The following PCNX1 variants were observed in gnomAD, a reference collection of about 807,000 sequenced individuals.
PCNX1 encodes the protein pecanex-like protein 1.
In PCNX1, 78 loss-of-function variants were observed where a neutral mutation model predicts 242.2. The observed-to-expected ratio is 0.32, with a 90% CI of 0.27 to 0.39. PCNX1 has a LOEUF of 0.39. Ranked by LOEUF, PCNX1 falls within the 10% of genes least tolerant of loss-of-function variation. The pLI, the probability that PCNX1 is intolerant of heterozygous loss-of-function variation, is 1.00. For synonymous variants in PCNX1, 1,024 were observed against 1,032.9 expected (o/e 0.99, Z 0.17); for missense variants, 2,581 against 2,856.5 (o/e 0.90, Z 2.20).
chr14:71,034,143 A>G (rs2060467108), intron 18 of PCNX1, 107 bp downstream of exon 18: 2 of 617,374 alleles, frequency 3.2e-6, no homozygotes, highest in Non-Finnish European at 5.8e-6. Flanking sequence ...AGAAAAATGT[A>G]TAATTATAAT....
chr14:71,011,344 A>G (rs1566696109), intron 9 of PCNX1, 148 bp from the exon 10 acceptor site: 9 of 642,298 alleles, frequency 1.4e-5, no homozygotes, highest in South Asian at 5.4e-5. Flanking sequence ...CCCAGAGTCT[A>G]TGTGCTTATC....
intron 26 of PCNX1, among the ~76,000 whole-genome samples, chr14:71,066,092 G>C (rs1287652497): frequency 3.9e-5 from 6 of 152,162 alleles, no homozygotes; most frequent in Admixed American, 3.9e-4. Flanking sequence ...TCTTGGCTAT[G>C]TGGGCTCTTT....
At chr14:71,012,837 AAGT>A in intron 10 of PCNX1, 145 bp from the exon 11 acceptor site, 1 of 605,526 alleles carries the variant, frequency 1.7e-6, no homozygotes, top group Non-Finnish European at 2.8e-6. Flanking sequence ...AAAAAAAAAA[AAGT>A]GTATGAGAGA....
chr14:70,993,698 C>T (rs895599656), intron 7 of PCNX1, among the ~76,000 whole-genome samples: 1 of 152,058 alleles, frequency 6.6e-6, no homozygotes, highest in Non-Finnish European at 1.5e-5. Flanking sequence ...GAAAAAAAAT[C>T]GATAGAAAAA....
intron 3 of PCNX1, chr14:70,965,519 T>C (rs2140506684): frequency 6.6e-6 from 1 of 152,088 alleles, no homozygotes; most frequent in South Asian, 2.1e-4. Context: ...AAAAATTAGC[T>C]GGGTGTGGTG....
intron 34 of PCNX1, among the ~76,000 whole-genome samples, 168 bp from the exon 35 acceptor site, chr14:71,109,284 C>A (rs553583578): frequency 2.0e-4 from 31 of 152,124 alleles, no homozygotes; most frequent in African/African-American, 6.3e-4. Flanking sequence ...GTGAGGTCTA[C>A]CAGAGGGCTG....
At chr14:71,009,054 T>A (rs1430618312) in intron 8 of PCNX1, among the ~76,000 whole-genome samples, 1 of 152,242 alleles carries the variant, frequency 6.6e-6, no homozygotes, top group East Asian at 1.9e-4. Context: ...AATTGCTGTT[T>A]CTAAATTTTT....
In PCNX1 at chr14:71,019,043, A is replaced by T; in HGVS notation, c.3031A>T (p.Ile1011Phe). ...REILENVLAV[I>F]LAILVAFLGS... ...GATCCTGGAAAATGTGTTAGCTGTC[A>T]TCCTGGCTATTCTCGTGGCCTTTTT... The change falls in exon 12 of 36, where the codon ATC becomes TTC. Residue 1011 changes from isoleucine (I) to phenylalanine (F), a missense_variant. Ile to Phe is a conservative substitution (Grantham distance 21). Coordinates refer to ENST00000304743, the MANE Select transcript of PCNX1 (RefSeq NM_014982.3). 1 of 1,613,092 alleles carries T rather than the reference A, an allele frequency of 6.2e-7. No homozygotes were observed. The highest frequency in any genetic ancestry group is 8.5e-7 in the Non-Finnish European group (1 of 1,179,556).
chr14:70,949,276 C>T (rs989758258), intron 2 of PCNX1, among the ~76,000 whole-genome samples: 9 of 29,438 alleles, frequency 3.1e-4, no homozygotes, highest in African/African-American at 6.1e-4. Flanking sequence ...TATGCACACA[C>T]GTGTATACAC....
intron 5 of PCNX1, among the ~76,000 whole-genome samples, chr14:70,973,097 A>G (rs1388724191): frequency 6.6e-6 from 1 of 151,908 alleles, no homozygotes; most frequent in Non-Finnish European, 1.5e-5. Context: ...AAGAAAAAAT[A>G]CAAAAAATTA....
chr14:70,932,274 A>G (rs1041713576), intron 1 of PCNX1, among the ~76,000 whole-genome samples: 4 of 152,214 alleles, frequency 2.6e-5, no homozygotes, highest in Admixed American at 6.5e-5. Context: ...GGGAGAGACA[A>G]TTGTATTTAT....
At chr14:71,031,872 C>T in intron 16 of PCNX1, 1 of 1,457,720 alleles carries the variant, frequency 6.9e-7, no homozygotes, top group South Asian at 1.1e-5. Context: ...TCAGCACTTT[C>T]ACAGCACGAG....
chr14:71,039,299 G>A (rs2060639698), intron 19 of PCNX1, among the ~76,000 whole-genome samples: 1 of 152,074 alleles, frequency 6.6e-6, no homozygotes, highest in African/African-American at 2.4e-5. Flanking sequence ...GAATCTGGGA[G>A]TGGCTTTGCT....
At chr14:70,987,206 C>A (rs568952566) in intron 6 of PCNX1, among the ~76,000 whole-genome samples, 1 of 152,132 alleles carries the variant, frequency 6.6e-6, no homozygotes, top group Non-Finnish European at 1.5e-5. Flanking sequence ...CACAAAAAGG[C>A]AACCTTATCT....
At chr14:70,982,639 T>G (rs1373583165) in intron 6 of PCNX1, among the ~76,000 whole-genome samples, 3 of 152,202 alleles carry the variant, frequency 2.0e-5, no homozygotes, top group Non-Finnish European at 4.4e-5. Context: ...CAAAATAGGT[T>G]TGGCAAAATT....
intron 1 of PCNX1, among the ~76,000 whole-genome samples, chr14:70,915,928 G>T (rs1344294247): frequency 6.6e-6 from 1 of 152,154 alleles, no homozygotes; most frequent in Non-Finnish European, 1.5e-5. Flanking sequence ...AAGGAAGGAG[G>T]CAAGGATGAA....
intron 1 of PCNX1, among the ~76,000 whole-genome samples, chr14:70,931,941 T>C (rs894061581): frequency 3.3e-5 from 5 of 152,162 alleles, no homozygotes; most frequent in African/African-American, 1.2e-4. Context: ...CTGACCAACG[T>C]GGATAAACCC....
chr14:70,908,040 C>G, intron 1 of PCNX1, 37 bp downstream of exon 1: 14 of 1,520,096 alleles, frequency 9.2e-6, no homozygotes, highest in Non-Finnish European at 1.2e-5. Context: ...GCTCCTTCCC[C>G]GCGAGCCGGT....
At chr14:71,042,751 C>G (rs2060746716) in intron 19 of PCNX1, among the ~76,000 whole-genome samples, 1 of 152,174 alleles carries the variant, frequency 6.6e-6, no homozygotes, top group East Asian at 1.9e-4. Context: ...GAGGCATACT[C>G]CCATCATTTT....
Sources: allele counts gnomAD v4.1 joint callset (sites outside exome capture counted in the v4.1 genomes callset), GRCh38; gene constraint gnomAD v4.1.1; transcripts MANE v1.5; gene names NCBI Gene and HGNC (gene_info 2026-07-23, HGNC 2026-07-21).